Variants in CLASP1 observed in about 807,000 individuals in gnomAD.
The protein encoded by CLASP1 is CLIP-associating protein 1.
A neutral mutation model predicts 192.3 loss-of-function variants in CLASP1; 38 were observed. The observed-to-expected ratio is 0.20, with a 90% CI of 0.15 to 0.26. The LOEUF (loss-of-function observed/expected upper bound fraction) is 0.26. Ranked by LOEUF, CLASP1 falls within the 10% of genes least tolerant of loss-of-function variation. The probability of loss-of-function intolerance (pLI) is 1.00; values close to 1 mark genes in which losing one functional copy is unlikely to be tolerated. For synonymous variants in CLASP1, 691 were observed against 712.8 expected (o/e 0.97, Z 0.49); for missense variants, 1,433 against 1,932.5 (o/e 0.74, Z 4.85).
chr2:121,633,605 C>G (rs1489857330), intron 1 of CLASP1, among the ~76,000 whole-genome samples: 1 of 152,148 alleles, frequency 6.6e-6, no homozygotes, highest in Non-Finnish European at 1.5e-5. Context: ...TTATCTGTAG[C>G]CACTTCTCAA....
chr2:121,547,495 C>T (rs2057579223), intron 2 of CLASP1, among the ~76,000 whole-genome samples: 3 of 151,952 alleles, frequency 2.0e-5, no homozygotes, highest in Admixed American at 2.0e-4. Context: ...CTGCATGTCT[C>T]TGGGGTGGAG....
chr2:121,462,633 A>G (rs2088332651), intron 9 of CLASP1, 28 bp from the exon 10 acceptor site: 1 of 1,327,594 alleles, frequency 7.5e-7, no homozygotes, highest in Non-Finnish European at 1.1e-6. Context: ...AAAAATGTAA[A>G]CAATATGAAA....
intron 34 of CLASP1, among the ~76,000 whole-genome samples, chr2:121,372,848 T>C (rs1573965780): frequency 6.6e-6 from 1 of 152,142 alleles, no homozygotes; most frequent in Non-Finnish European, 1.5e-5. Context: ...CTGCTCTGAA[T>C]CTCCCCAACC....
intron 2 of CLASP1, among the ~76,000 whole-genome samples, chr2:121,549,680 A>G (rs1292422206): frequency 6.7e-6 from 1 of 148,298 alleles, no homozygotes; most frequent in Admixed American, 6.7e-5. Flanking sequence ...AATCAACCAC[A>G]TAATTGGACA....
intron 1 of CLASP1, among the ~76,000 whole-genome samples, chr2:121,627,689 C>T (rs1224839694): frequency 1.3e-5 from 2 of 152,106 alleles, no homozygotes; most frequent in African/African-American, 4.8e-5. Context: ...ATGAATCTGA[C>T]GGACGAGGAA....
chr2:121,389,463 A>G (rs1384444934), intron 30 of CLASP1, among the ~76,000 whole-genome samples: 1 of 149,990 alleles, frequency 6.7e-6, no homozygotes, highest in Non-Finnish European at 1.5e-5. Flanking sequence ...ATATTTTTAA[A>G]AAACATTGTA....
intron 8 of CLASP1, among the ~76,000 whole-genome samples, chr2:121,498,307 C>A (rs2093616931): frequency 6.7e-6 from 1 of 148,924 alleles, no homozygotes; most frequent in African/African-American, 2.5e-5. Flanking sequence ...AAGCGATCCT[C>A]CCACCTCAGG....
At chr2:121,630,333 A>T (rs1191113239) in intron 1 of CLASP1, among the ~76,000 whole-genome samples, 2 of 151,948 alleles carry the variant, frequency 1.3e-5, no homozygotes, top group Non-Finnish European at 2.9e-5. Flanking sequence ...CCATTACTAC[A>T]AGTATTGAAA....
intron 37 of CLASP1, among the ~76,000 whole-genome samples, chr2:121,356,969 C>T (rs767245319): frequency 1.3e-5 from 2 of 152,148 alleles, no homozygotes; most frequent in African/African-American, 4.8e-5. Context: ...AGAGGCTGGG[C>T]TGGCCTCTCA....
At chr2:121,475,450 C>CT (rs778245725) in intron 8 of CLASP1, among the ~76,000 whole-genome samples, 1 of 152,186 alleles carries the variant, frequency 6.6e-6, no homozygotes, top group Non-Finnish European at 1.5e-5. Context: ...ATGAGCCATT[C>CT]TTTAACTGGG....
At chr2:121,586,559 G>A (rs1395204646) in intron 2 of CLASP1, among the ~76,000 whole-genome samples, 1 of 152,072 alleles carries the variant, frequency 6.6e-6, no homozygotes, top group Non-Finnish European at 1.5e-5. Flanking sequence ...ACTATTAATA[G>A]TTTGGCATAT....
chr2:121,640,328 C>T (rs1174728527), intron 1 of CLASP1, among the ~76,000 whole-genome samples: 2 of 152,050 alleles, frequency 1.3e-5, no homozygotes, highest in Non-Finnish European at 2.9e-5. Flanking sequence ...ATGTAACGAG[C>T]CTGCACGTTG....
At chr2:121,535,357 G>C (rs935895051) in intron 2 of CLASP1, among the ~76,000 whole-genome samples, 2 of 152,116 alleles carry the variant, frequency 1.3e-5, no homozygotes, top group Non-Finnish European at 2.9e-5. Flanking sequence ...TTAAAGTTTT[G>C]GGTAGAGAAA....
intron 8 of CLASP1, among the ~76,000 whole-genome samples, chr2:121,472,088 C>A (rs2090846726): frequency 6.6e-6 from 1 of 152,132 alleles, no homozygotes; most frequent in Non-Finnish European, 1.5e-5. Context: ...TGAGTGGGAA[C>A]AGTTCCAGTC....
chr2:121,494,430 C>T (rs904368979), intron 8 of CLASP1, among the ~76,000 whole-genome samples: 2 of 151,872 alleles, frequency 1.3e-5, no homozygotes, highest in African/African-American at 4.8e-5. Context: ...GAGTAGAATA[C>T]CAGTTACCAG....
chr2:121,370,648 C>A lies in CLASP1; in HGVS notation c.3643-2817G>T, dbSNP rs114230709. ...TCCATTCTTCGATTTTCACTGCCAC[C>A]CTAGCTTTGCTGCTCGAGGCCACAT... is the stretch of plus-strand genomic sequence containing the variant. On this transcript the variant is annotated intron_variant, in intron 34 of 39. Transcript: ENST00000263710. Among the ~76,000 whole-genome samples, 1,351 of 152,256 alleles carry A rather than the reference C, an allele frequency of 8.9e-3. 15 individuals carry two copies. Among genetic ancestry groups the A allele is most frequent in the African/African-American group, 0.03 (1,249 of 41,542 alleles).
chr2:121,564,619 T>C (rs11684566), intron 2 of CLASP1, among the ~76,000 whole-genome samples: 18,726 of 152,192 alleles, frequency 0.12, 1,500 homozygotes, highest in Middle Eastern at 0.26. Context: ...TCCAAAGCTA[T>C]ACCAGTTAAA....
intron 1 of CLASP1, among the ~76,000 whole-genome samples, chr2:121,648,190 C>A (rs148723898): frequency 6.6e-6 from 1 of 152,242 alleles, no homozygotes; most frequent in South Asian, 2.1e-4. Context: ...CAGTTACCGT[C>A]GTAAATAATC....
At chr2:121,402,159 A>G (rs2076236947) in intron 26 of CLASP1, among the ~76,000 whole-genome samples, 1 of 152,232 alleles carries the variant, frequency 6.6e-6, no homozygotes. Flanking sequence ...AAATACTATT[A>G]TAAAATGAGC....
Sources: gnomAD v4.1 joint callset for allele counts (sites outside exome capture counted in the v4.1 genomes callset) on GRCh38, gnomAD v4.1.1 for gene constraint, MANE v1.5 for transcripts, NCBI Gene and HGNC (gene_info 2026-07-23, HGNC 2026-07-21) for gene names.